Variants in PPP6R1 observed in about 807,000 individuals in gnomAD.
PPP6R1 encodes protein phosphatase 6 regulatory subunit 1, also known as serine/threonine-protein phosphatase 6 regulatory subunit 1.
In PPP6R1, 39 loss-of-function variants were observed where a neutral mutation model predicts 104.6. The observed-to-expected ratio is 0.37, with a 90% confidence interval of 0.29 to 0.49. PPP6R1 has a LOEUF of 0.49. Ranked by LOEUF, PPP6R1 falls within the 20% of genes least tolerant of loss-of-function variation. The probability of loss-of-function intolerance (pLI) is 0.98; values close to 1 mark genes in which losing one functional copy is unlikely to be tolerated. For missense variants in PPP6R1, 1,181 were observed against 1,155.8 expected (o/e 1.02, Z -0.32); for synonymous variants, 549 against 479.0 (o/e 1.15, Z -1.91).
Position 55,247,059 on chromosome 19 carries a change from C to G in PPP6R1, c.45G>C (p.Thr15=), listed in dbSNP as rs554003246. The change falls in exon 2 of 24, where the codon ACG becomes ACC. Residue 15 remains threonine (T), a synonymous_variant. Transcript: ENST00000412770. ...GGCTCAGGTCCTCCCGCTCCAGCAG[C>G]GTGTCCAGGTGCGAGCTTGTGTGCA... ...FDLHTSSHLD[T]LLEREDLSLP... is the part of the protein sequence containing the mutation. 1.2e-6 allele frequency: 2 copies of G among 1,613,754 alleles called. No homozygotes were observed. Among genetic ancestry groups the G allele is most frequent in the Admixed American group, 3.3e-5 (2 of 60,028 alleles).
rs2087462171 is a variant in PPP6R1, at chr19:55,241,949, A to T, written c.845+217T>A. ...TGGGGTCCCTCCCAACACAAGCTGC[A>T]GCAGTGGCCTCAGCCTCAGTGCCCT... On this transcript the variant is annotated intron_variant, in intron 7 of 23. Transcript: ENST00000412770. This position sits in a 1 kb window ranked among gnomAD's most constrained non-coding sequence, Gnocchi z 5.4. Among the ~76,000 whole-genome samples the T allele has an allele frequency of 6.6e-6, 1 of 152,100 alleles. No homozygotes were observed. The highest frequency in any genetic ancestry group is 2.4e-5 in the African/African-American group (1 of 41,428).
intron 15 of PPP6R1, chr19:55,239,080 C>T (rs1237012888): frequency 1.9e-5 from 7 of 365,672 alleles, no homozygotes; most frequent in Non-Finnish European, 3.7e-5. Flanking sequence ...ACCCTGAGCC[C>T]CTCCCGCCTG....
At chr19:55,234,516 A>G (rs907515862) in intron 17 of PPP6R1, among the ~76,000 whole-genome samples, 7 of 152,348 alleles carry the variant, frequency 4.6e-5, no homozygotes, top group African/African-American at 1.7e-4. Context: ...TTTAGCTCAA[A>G]ATGAATGGAA....
intron 1 of PPP6R1, among the ~76,000 whole-genome samples, chr19:55,255,025 A>AG (rs761695803): frequency 2.6e-5 from 4 of 152,200 alleles, no homozygotes; most frequent in Non-Finnish European, 5.9e-5. Flanking sequence ...CCAGAGGAGA[A>AG]GGGGGAGCGG....
chr19:55,250,324 C>T (rs778056775), intron 1 of PPP6R1, among the ~76,000 whole-genome samples: 3 of 152,216 alleles, frequency 2.0e-5, no homozygotes, highest in African/African-American at 4.8e-5. Context: ...CAGGGGTTGG[C>T]GGGCAGTGAA....
chr19:55,241,275 G>C lies in PPP6R1; in HGVS notation c.1125C>G (p.His375Gln), dbSNP rs370329567. ...TGGGCACGTCCAGTGCCAGGAGCTC[G>C]TGCGTCAGGGCTGCATCATTGGCGC... ...ALSANDAALT[H>Q]ELLALDVPNT... Residue 375 changes from histidine (H) to glutamine (Q), a missense_variant, in exon 9 of 24, where the codon CAC becomes CAG. Physicochemically the swap from His to Gln is conservative, Grantham distance 24 (BLOSUM62 0). Coordinates refer to ENST00000412770, the MANE Select transcript of PPP6R1 (RefSeq NM_014931.4). The surrounding 1 kb of genome is among the most constrained non-coding windows in gnomAD (Gnocchi z 5.4). The C allele has an allele frequency of 4.4e-6, 7 of 1,608,794 alleles. No homozygotes were observed. The highest frequency in any genetic ancestry group is 5.9e-6 in the Non-Finnish European group (7 of 1,178,864).
At chr19:55,246,113 G>A (rs886494441) in intron 2 of PPP6R1, among the ~76,000 whole-genome samples, 6 of 152,114 alleles carry the variant, frequency 3.9e-5, no homozygotes, top group South Asian at 2.1e-4. Flanking sequence ...TCCAAGACAA[G>A]AGCTGCCCCA....
At chr19:55,236,285 G>A (rs1210291168) in intron 17 of PPP6R1, 3 of 202,772 alleles carry the variant, frequency 1.5e-5, no homozygotes, top group Non-Finnish European at 3.0e-5. Context: ...CTCCCGAGTA[G>A]CCAGGACTAC....
In PPP6R1 at chr19:55,245,715, G is replaced by A. The variant is rs747562317; in HGVS notation, c.228-37C>T. ...GCACAGGCGGGTGGGGGCTCGGGTC[G>A]GAGGCCGGGGGCAGGGGGCGGCAAG... On this transcript the variant is annotated intron_variant, in intron 2 of 23. Coordinates refer to ENST00000412770, the MANE Select transcript of PPP6R1 (RefSeq NM_014931.4). This position sits in a 1 kb window ranked among gnomAD's most constrained non-coding sequence, Gnocchi z 6.4. 4.5e-5 allele frequency: 69 copies of A among 1,536,922 alleles called. No homozygotes were observed. Among genetic ancestry groups the A allele is most frequent in the Middle Eastern group, 2.3e-4 (1 of 4,320 alleles).
intron 15 of PPP6R1, among the ~76,000 whole-genome samples, chr19:55,237,714 C>T (rs2087411963): frequency 6.6e-6 from 1 of 152,224 alleles, no homozygotes; most frequent in Non-Finnish European, 1.5e-5. Context: ...TGTCCTTAGT[C>T]CCTCCTAGAC....
intron 17 of PPP6R1, chr19:55,236,355 A>C: frequency 2.7e-6 from 1 of 376,366 alleles, no homozygotes; most frequent in Non-Finnish European, 4.8e-6. Flanking sequence ...GGATCTCCCT[A>C]TGTTGCCCAG....
rs372436620 is a variant in PPP6R1 at position 55,241,353 on chromosome 19, C to T, written c.1047G>A (p.Pro349=). The change falls in exon 9 of 24, where the codon CCG becomes CCA. Residue 349 remains proline (P), a synonymous_variant. Coordinates refer to ENST00000412770, the MANE Select transcript of PPP6R1 (RefSeq NM_014931.4). This position sits in a 1 kb window ranked among gnomAD's most constrained non-coding sequence, Gnocchi z 5.4. ...PLQMTWGMLA[P]PLGNTRLHVV... ...CGTGCAGCCGCGTGTTGCCCAGAGGCGGAGCCAGCATGCCCCATGTCATCT... is the reference window on the plus strand; with the variant it reads ...CGTGCAGCCGCGTGTTGCCCAGAGGTGGAGCCAGCATGCCCCATGTCATCT... 20 of 1,611,366 alleles carry T rather than the reference C, an allele frequency of 1.2e-5. No homozygotes were observed. In the African/African-American group the frequency reaches 1.3e-4, roughly 11 times the overall value.
At chr19:55,233,851 A>T (rs549483837) in intron 17 of PPP6R1, among the ~76,000 whole-genome samples, 1 of 152,362 alleles carries the variant, frequency 6.6e-6, no homozygotes, top group South Asian at 2.1e-4. Context: ...GAAATTGACA[A>T]GCTGATCCTA....
chr19:55,244,820 C>CT (rs2087492131), intron 5 of PPP6R1, among the ~76,000 whole-genome samples: 1 of 151,846 alleles, frequency 6.6e-6, no homozygotes, highest in Non-Finnish European at 1.5e-5. Context: ...TCATGACTCA[C>CT]TATAGCCTTG....
chr19:55,255,134 C>T (rs2087583151), intron 1 of PPP6R1, among the ~76,000 whole-genome samples: 1 of 152,224 alleles, frequency 6.6e-6, no homozygotes, highest in Admixed American at 6.5e-5. Flanking sequence ...GCCTCCCCCT[C>T]TGGCCCCAGA....
rs1485072541 is a variant in PPP6R1 at position 55,231,953 on chromosome 19, C to T, written c.2155G>A (p.Val719Met). 1 of 1,592,320 alleles carries T rather than the reference C, an allele frequency of 6.3e-7. No individual in the cohort carries two copies. Among genetic ancestry groups the T allele is most frequent in the South Asian group, 1.1e-5 (1 of 89,060 alleles). The change falls in exon 19 of 24, where the codon GTG becomes ATG. Residue 719 changes from valine (V) to methionine (M), a missense_variant. Val to Met is a conservative substitution (Grantham distance 21). This residue lies in a region of PPP6R1 where 1,042 missense variants were observed against 955.6 expected (regional missense o/e 1.09). Coordinates refer to ENST00000412770, the MANE Select transcript of PPP6R1 (RefSeq NM_014931.4). ...GPSWTATFDP[V>M]PTDAPTSPRV... is the part of the protein sequence containing the mutation. ...GGGCTGGTCGGGGCATCTGTAGGCA[C>T]TGGGTCAAAGGTGGCTGTCCAGCTG...
At chr19:55,228,527 T>C (rs746339834), downstream of PPP6R1, 31 of 1,561,336 alleles carry the variant, frequency 2.0e-5, no homozygotes, top group South Asian at 3.0e-4. Flanking sequence ...CACCCCCACC[T>C]GGGACCCCAG....
At chr19:55,244,599 G>A (rs1429453469) in intron 5 of PPP6R1, among the ~76,000 whole-genome samples, 6 of 152,242 alleles carry the variant, frequency 3.9e-5, no homozygotes, top group Non-Finnish European at 7.3e-5. Flanking sequence ...GGCATTATGT[G>A]CCAAGTTCCT....
chr19:55,241,332 C>T lies in PPP6R1; in HGVS notation c.1068G>A (p.Leu356=), dbSNP rs761765212. 255 of 1,611,792 alleles carry T rather than the reference C, an allele frequency of 1.6e-4. No individual in the cohort carries two copies. The highest frequency in any genetic ancestry group is 2.6e-5 in the Non-Finnish European group (31 of 1,179,752). The change falls in exon 9 of 24, where the codon CTG becomes CTA. Residue 356 remains leucine, a synonymous_variant. Transcript: ENST00000412770. The surrounding 1 kb of genome is among the most constrained non-coding windows in gnomAD (Gnocchi z 5.4). Reference sequence around the variant, plus strand: ...CACTGGCCAGGAGCTTGACCACGTGCAGCCGCGTGTTGCCCAGAGGCGGAG... The same window carrying T: ...CACTGGCCAGGAGCTTGACCACGTGTAGCCGCGTGTTGCCCAGAGGCGGAG... ...MLAPPLGNTR[L]HVVKLLASAL... is the part of the protein sequence containing the mutation.
Sources: allele counts gnomAD v4.1 joint callset (sites outside exome capture counted in the v4.1 genomes callset), GRCh38; gene constraint gnomAD v4.1.1; regional missense constraint gnomAD v4.1.1; non-coding constraint Gnocchi (gnomAD v3.1); transcripts MANE v1.5; gene names NCBI Gene and HGNC (gene_info 2026-07-23, HGNC 2026-07-21).